Variants in TENM2 observed in about 807,000 individuals in gnomAD.
The protein encoded by TENM2 is teneurin-2.
TENM2 carries 52 observed loss-of-function variants against 245.2 expected under a neutral mutation model. That is an observed-to-expected ratio of 0.21 (90% CI 0.17 to 0.27). The LOEUF (loss-of-function observed/expected upper bound fraction) is 0.27. Among genes scored for constraint, TENM2 ranks in the 10% least tolerant of loss-of-function variants. The probability of loss-of-function intolerance (pLI) is 1.00; values close to 1 mark genes in which losing one functional copy is unlikely to be tolerated. For missense variants in TENM2, 3,046 were observed against 3,666.8 expected (o/e 0.83, Z 4.37); for synonymous variants, 1,363 against 1,438.9 (o/e 0.95, Z 1.19).
chr5:167,736,760 A>C (rs1195593946), intron 2 of TENM2, among the ~76,000 whole-genome samples: 1 of 151,850 alleles, frequency 6.6e-6, no homozygotes, highest in East Asian at 1.9e-4. Flanking sequence ...CGAAATGCAT[A>C]CTTCCAGGTG....
chr5:167,840,476 T>A (rs1692626928), intron 2 of TENM2, among the ~76,000 whole-genome samples: 1 of 152,190 alleles, frequency 6.6e-6, no homozygotes, highest in African/African-American at 2.4e-5. Context: ...GACATAAAAA[T>A]GAACCCGATG....
At chr5:167,133,088 C>T in the TENM2 span, among the ~76,000 whole-genome samples, 2 of 152,004 alleles carry the variant, frequency 1.3e-5, no homozygotes, top group African/African-American at 4.8e-5. Flanking sequence ...TCACACAGCA[C>T]AAGGCCAAAT....
chr5:167,859,397 G>GA (rs1771464271), intron 2 of TENM2, among the ~76,000 whole-genome samples: 1 of 128,708 alleles, frequency 7.8e-6, no homozygotes. Flanking sequence ...TCAGCCCCCC[G>GA]CCCGGCCAGC....
At chr5:167,505,157 T>G (rs1379642126) in intron 2 of TENM2, among the ~76,000 whole-genome samples, 1 of 152,188 alleles carries the variant, frequency 6.6e-6, no homozygotes, top group Non-Finnish European at 1.5e-5. Flanking sequence ...AAACTGATGC[T>G]ATCATTTTCT....
chr5:167,953,823 G>A (rs1009227759), intron 4 of TENM2, among the ~76,000 whole-genome samples: 3 of 152,186 alleles, frequency 2.0e-5, no homozygotes, highest in Non-Finnish European at 4.4e-5. Flanking sequence ...TCTTCACACA[G>A]CTGGAAGCAA....
At chr5:167,427,562 GGGAA>G (rs1173920491) in intron 2 of TENM2, among the ~76,000 whole-genome samples, 1 of 139,152 alleles carries the variant, frequency 7.2e-6, no homozygotes, top group Non-Finnish European at 1.5e-5. Context: ...CGGGAAGGAA[GGGAA>G]GGAAGGAAGG....
chr5:167,333,053 G>A (rs753008978), intron 1 of TENM2, among the ~76,000 whole-genome samples: 4 of 152,164 alleles, frequency 2.6e-5, no homozygotes, highest in Non-Finnish European at 4.4e-5. Context: ...ACAGTAGTGC[G>A]TGGACTGGAA....
intron 1 of TENM2, among the ~76,000 whole-genome samples, chr5:167,374,485 G>C (rs376458260): frequency 2.0e-5 from 3 of 152,270 alleles, no homozygotes; most frequent in Middle Eastern, 3.4e-3. Flanking sequence ...CATGTTATAT[G>C]AGGCACACAA....
chr5:167,725,219 A>G (rs550161768), intron 2 of TENM2, among the ~76,000 whole-genome samples: 54 of 152,268 alleles, frequency 3.5e-4, no homozygotes, highest in African/African-American at 1.3e-3. Flanking sequence ...GGATTTATGT[A>G]AGCATAACTC....
intron 2 of TENM2, among the ~76,000 whole-genome samples, chr5:167,403,330 A>G (rs1246180149): frequency 6.7e-6 from 1 of 149,312 alleles, no homozygotes; most frequent in Non-Finnish European, 1.5e-5. Context: ...AAAAAAAAAC[A>G]GTTTGAAGTA....
intron 1 of TENM2, among the ~76,000 whole-genome samples, chr5:167,309,184 A>C (rs1755866379): frequency 6.6e-6 from 1 of 152,148 alleles, no homozygotes; most frequent in Non-Finnish European, 1.5e-5. Flanking sequence ...GAAGCAGGTA[A>C]GTTTGCTTTG....
At chr5:167,862,542 A>C (rs1771916397) in intron 2 of TENM2, among the ~76,000 whole-genome samples, 1 of 152,186 alleles carries the variant, frequency 6.6e-6, no homozygotes, top group Non-Finnish European at 1.5e-5. Context: ...GTAAAGTTAA[A>C]TCCTCCTCCT....
At chr5:167,857,608 C>T (rs925710896) in intron 2 of TENM2, among the ~76,000 whole-genome samples, 1 of 152,074 alleles carries the variant, frequency 6.6e-6, no homozygotes, top group Admixed American at 6.5e-5. Context: ...TTCATGGAAC[C>T]CTTGTTTCCT....
intron 4 of TENM2, among the ~76,000 whole-genome samples, chr5:167,972,355 A>C (rs1298725138): frequency 6.6e-6 from 1 of 152,180 alleles, no homozygotes; most frequent in Non-Finnish European, 1.5e-5. Flanking sequence ...TCACTTAATC[A>C]GATATTGTGG....
At chr5:167,315,599 G>C (rs1756318374) in intron 1 of TENM2, among the ~76,000 whole-genome samples, 1 of 152,104 alleles carries the variant, frequency 6.6e-6, no homozygotes, top group African/African-American at 2.4e-5. Flanking sequence ...ACATGTTATA[G>C]AGTCAATAAC....
chr5:167,605,266 G>A (rs142775085), intron 2 of TENM2, among the ~76,000 whole-genome samples: 1 of 152,278 alleles, frequency 6.6e-6, no homozygotes, highest in Admixed American at 6.5e-5. Context: ...CATGGAAAGA[G>A]CAGTAGTCAT....
the TENM2 span, among the ~76,000 whole-genome samples, chr5:167,169,878 T>A: frequency 2.0e-5 from 3 of 152,204 alleles, no homozygotes; most frequent in South Asian, 6.2e-4. Context: ...GGTAGTCTTG[T>A]CTAAGTGATT....
At chr5:168,022,927 T>G (rs1786287230) in intron 5 of TENM2, among the ~76,000 whole-genome samples, 1 of 152,120 alleles carries the variant, frequency 6.6e-6, no homozygotes, top group Non-Finnish European at 1.5e-5. Flanking sequence ...CCATCTCGCC[T>G]GCGCTATCTA....
rs779108159 is a variant in TENM2, at chr5:168,218,386, A to G, written c.4495A>G (p.Asn1499Asp). Residue 1499 changes from asparagine (N) to aspartate (D), a missense_variant, in exon 23 of 29, where the codon AAC becomes GAC. Asn to Asp is a conservative substitution (Grantham distance 23). Coordinates refer to ENST00000518659, the Ensembl canonical transcript of TENM2. This position sits in a 1 kb window ranked among gnomAD's most constrained non-coding sequence, Gnocchi z 5.2. ...CACTGAGACAGATGAGAAGAAGATT[A>G]ACCGTCTACGCCAGGTAACAACCAA... The G allele has an allele frequency of 1.2e-6, 2 of 1,613,908 alleles. No individual in the cohort carries two copies. The highest frequency in any genetic ancestry group is 3.3e-5 in the Admixed American group (2 of 60,014).
Sources: gnomAD v4.1 joint callset for allele counts (sites outside exome capture counted in the v4.1 genomes callset) on GRCh38, gnomAD v4.1.1 for gene constraint, Gnocchi (gnomAD v3.1) non-coding constraint, MANE v1.5 for transcripts, NCBI Gene and HGNC (gene_info 2026-07-23, HGNC 2026-07-21) for gene names.